The following SESN3 variants were observed in gnomAD, a reference collection of about 807,000 sequenced individuals.
SESN3 encodes the protein sestrin-3.
In SESN3, 21 loss-of-function variants were observed where a neutral mutation model predicts 55.3. The ratio of observed to expected loss-of-function variants is 0.38; its 90% CI spans 0.27 to 0.55. SESN3 has a LOEUF of 0.55. SESN3 is among the 20% of genes least tolerant of loss of function. The pLI is 0.76. For synonymous variants in SESN3, 181 were observed against 203.1 expected, an observed-to-expected ratio of 0.89 and a Z score of 0.93; for missense variants, 408 against 604.3, an observed-to-expected ratio of 0.68 and a Z score of 3.41.
chr11:95,231,820 T>C (rs915560544), upstream of SESN3: 2 of 152,188 alleles, frequency 1.3e-5, no homozygotes, highest in African/African-American at 4.8e-5. Context: ...TTGTGAACCT[T>C]GTTTTGCAAA....
At chr11:95,207,506 A>G (rs372717904) in intron 1 of SESN3, among the ~76,000 whole-genome samples, 3 of 151,616 alleles carry the variant, frequency 2.0e-5, no homozygotes, top group Admixed American at 6.6e-5. Flanking sequence ...TTAACATTCT[A>G]TGGTTATACA....
At chr11:95,228,031 C>G (rs188180869) in intron 1 of SESN3, among the ~76,000 whole-genome samples, 3 of 152,266 alleles carry the variant, frequency 2.0e-5, no homozygotes, top group Admixed American at 6.5e-5. Context: ...GTTTACCTCT[C>G]CATTCTTTTT....
At chr11:95,219,952 C>T (rs1007419024) in intron 1 of SESN3, among the ~76,000 whole-genome samples, 1 of 152,080 alleles carries the variant, frequency 6.6e-6, no homozygotes, top group Admixed American at 6.6e-5. Flanking sequence ...TGGAACTTAA[C>T]CACATATCTT....
intron 1 of SESN3, chr11:95,224,536 T>C (rs1356173110): frequency 4.9e-6 from 2 of 405,554 alleles, no homozygotes; most frequent in African/African-American, 2.1e-5. Context: ...TGTTGGTCAA[T>C]TGAAAAATAT....
At chr11:95,197,254 C>G (rs557808224) in intron 1 of SESN3, among the ~76,000 whole-genome samples, 45 of 152,144 alleles carry the variant, frequency 3.0e-4, no homozygotes, top group Non-Finnish European at 4.7e-4. Context: ...TGCCATTGAA[C>G]AGCAACTCCC....
intron 1 of SESN3, among the ~76,000 whole-genome samples, chr11:95,222,213 G>C (rs922998700): frequency 6.6e-6 from 1 of 152,106 alleles, no homozygotes; most frequent in African/African-American, 2.4e-5. Context: ...AGCAGCTAAG[G>C]CTGGTGTCTT....
rs1177124666 is a variant in SESN3 at position 95,230,663 on chromosome 11, G to T, written c.78+120C>A. The stretch of plus-strand genomic sequence containing the variant: ...CACGCCCCCTTTCTCAGTCCCTGCG[G>T]AGGGACGGTGCCCGGGGATCCCTCT... On this transcript the variant is annotated intron_variant, in intron 1 of 9. Coordinates refer to ENST00000536441, the MANE Select transcript of SESN3 (RefSeq NM_144665.4). This position sits in a 1 kb window ranked among gnomAD's most constrained non-coding sequence, Gnocchi z 4.6. 16 of 678,978 alleles carry T rather than the reference G, an allele frequency of 2.4e-5. No individual in the cohort carries two copies. Among genetic ancestry groups the T allele is most frequent in the Non-Finnish European group, 4.0e-5 (16 of 404,432 alleles). 42.1% of individuals were successfully genotyped at this position (678,978 alleles called of 1,614,324 possible).
chr11:95,209,276 CAAAAG>C (rs1025879813), intron 1 of SESN3, among the ~76,000 whole-genome samples: 5 of 151,342 alleles, frequency 3.3e-5, no homozygotes, highest in African/African-American at 7.3e-5. Context: ...AGACACTTCT[CAAAAG>C]AAGACATTTA....
rs1234522046 is a variant in SESN3, at chr11:95,214,308, G to A, written c.78+16475C>T. On this transcript the variant is annotated intron_variant, in intron 1 of 9. Coordinates refer to ENST00000536441, the MANE Select transcript of SESN3 (RefSeq NM_144665.4). ...ATTCACATAAGTAACATCAATACAG[G>A]TTAAATTGTAGTATTAACTTAGAGG... Among the ~76,000 whole-genome samples the A allele has an allele frequency of 4.6e-5, 7 of 152,088 alleles. No individual in the cohort carries two copies. The South Asian group carries it at 6.2e-4, about 14-fold the overall frequency.
At chr11:95,206,440 C>T (rs1191896585) in intron 1 of SESN3, among the ~76,000 whole-genome samples, 1 of 150,084 alleles carries the variant, frequency 6.7e-6, no homozygotes, top group Admixed American at 6.7e-5. Context: ...TTCATAACAT[C>T]CAAAGTTTCT....
At chr11:95,222,554 T>C (rs1310615960) in intron 1 of SESN3, among the ~76,000 whole-genome samples, 2 of 152,200 alleles carry the variant, frequency 1.3e-5, no homozygotes, top group Non-Finnish European at 2.9e-5. Context: ...ATAAATGTCT[T>C]TAAATCAAAA....
chr11:95,200,615 A>G (rs1332701628), intron 1 of SESN3, among the ~76,000 whole-genome samples: 1 of 152,026 alleles, frequency 6.6e-6, no homozygotes, highest in Non-Finnish European at 1.5e-5. Flanking sequence ...CACTCCAAAG[A>G]GCACTCAAAA....
intron 1 of SESN3, among the ~76,000 whole-genome samples, chr11:95,216,142 AATTG>A (rs1333384520): frequency 6.6e-6 from 1 of 152,076 alleles, no homozygotes; most frequent in Admixed American, 6.5e-5. Flanking sequence ...CTTTATCTTA[AATTG>A]ATTGATATAC....
chr11:95,173,614 A>T (rs941462014), intron 9 of SESN3, among the ~76,000 whole-genome samples: 15 of 152,072 alleles, frequency 9.9e-5, no homozygotes, highest in African/African-American at 3.6e-4. Context: ...AAATAAAACT[A>T]ATTTTTATAA....
chr11:95,220,993 T>C (rs1759368867), intron 1 of SESN3, among the ~76,000 whole-genome samples: 1 of 152,190 alleles, frequency 6.6e-6, no homozygotes, highest in Non-Finnish European at 1.5e-5. Context: ...ATAGATATTA[T>C]AAAATGTGTT....
chr11:95,197,952 T>C (rs781417870), intron 1 of SESN3, among the ~76,000 whole-genome samples: 1 of 152,128 alleles, frequency 6.6e-6, no homozygotes, highest in Non-Finnish European at 1.5e-5. Context: ...AAAATCAACA[T>C]GTTTAAAATG....
chr11:95,218,946 C>G (rs186179249), intron 1 of SESN3, among the ~76,000 whole-genome samples: 3 of 152,226 alleles, frequency 2.0e-5, no homozygotes, highest in Admixed American at 1.3e-4. Context: ...GCCGCCGCAC[C>G]CGGCCATATT....
chr11:95,230,765 C>T lies in SESN3; in HGVS notation c.78+18G>A. 1 of 1,601,358 alleles carries T rather than the reference C, an allele frequency of 6.2e-7. No individual in the cohort carries two copies. The highest frequency in any genetic ancestry group is 1.1e-5 in the South Asian group (1 of 90,514). ...AGGAAGCGACCCTCGCCGGCAGGAC[C>T]CCGGGCCGAACCCGTACCTTCCGCA... On this transcript the variant is annotated intron_variant, in intron 1 of 9. Transcript: ENST00000536441. This position sits in a 1 kb window ranked among gnomAD's most constrained non-coding sequence, Gnocchi z 4.6.
rs779796227 is a variant in SESN3, at chr11:95,189,935, G to A, written c.369C>T (p.Tyr123=). The part of the protein sequence containing the change: ...IMAAARHQCS[Y]LINMHVDEFL... Reference sequence around the variant, plus strand: ...ATTCATCCACATGCATGTTTATTAAGTAAGAACACTGATGTCTAGCTGCAG... The same window carrying A: ...ATTCATCCACATGCATGTTTATTAAATAAGAACACTGATGTCTAGCTGCAG... The change falls in exon 4 of 10, where the codon TAC becomes TAT. Residue 123 remains tyrosine (Y), a synonymous_variant. Transcript: ENST00000536441. 9.7e-5 allele frequency: 156 copies of A among 1,608,692 alleles called. No individual in the cohort carries two copies. Among genetic ancestry groups the A allele is most frequent in the Non-Finnish European group, 1.2e-4 (139 of 1,177,524 alleles).
Sources: gnomAD v4.1 joint callset for allele counts (sites outside exome capture counted in the v4.1 genomes callset) on GRCh38, gnomAD v4.1.1 for gene constraint, Gnocchi (gnomAD v3.1) non-coding constraint, MANE v1.5 for transcripts, NCBI Gene and HGNC (gene_info 2026-07-23, HGNC 2026-07-21) for gene names.